The following GATB variants were observed in gnomAD, a reference collection of about 807,000 sequenced individuals.
The protein encoded by GATB is glutamyl-tRNA amidotransferase subunit B.
Under a neutral mutation model 62.3 loss-of-function variants are expected in GATB, and 39 were observed. The ratio of observed to expected loss-of-function variants is 0.63; its 90% CI spans 0.48 to 0.82. GATB has a LOEUF of 0.82. GATB is among the 40% of genes least tolerant of loss of function. GATB has a pLI of 0.00. For synonymous variants in GATB, 276 were observed against 258.9 expected, an observed-to-expected ratio of 1.07 and a Z score of -0.63; for missense variants, 670 against 684.0, an observed-to-expected ratio of 0.98 and a Z score of 0.23.
At chr4:151,718,402 C>G (rs1265866083) in intron 3 of GATB, among the ~76,000 whole-genome samples, 1 of 152,122 alleles carries the variant, frequency 6.6e-6, no homozygotes, top group Non-Finnish European at 1.5e-5. Context: ...CTATCTGGGC[C>G]AGAAAGACCA....
intron 2 of GATB, chr4:151,724,237 T>C (rs2126981973): frequency 6.6e-6 from 1 of 152,258 alleles, no homozygotes; most frequent in South Asian, 2.1e-4. Context: ...CACATTCTAC[T>C]TTCTTAACAT....
intron 11 of GATB, among the ~76,000 whole-genome samples, chr4:151,678,887 TTTTTG>T (rs962778187): frequency 4.0e-5 from 6 of 151,492 alleles, no homozygotes; most frequent in African/African-American, 7.3e-5. Context: ...TTATGTGTTT[TTTTTG>T]TTTTTGTTTT....
intron 9 of GATB, among the ~76,000 whole-genome samples, chr4:151,698,177 G>A (rs1299500106): frequency 2.0e-5 from 3 of 151,658 alleles, no homozygotes; most frequent in Non-Finnish European, 4.4e-5. Context: ...CCTGTGTGCT[G>A]TGATAACATC....
At chr4:151,713,351 C>G (rs1303928752) in intron 5 of GATB, among the ~76,000 whole-genome samples, 1 of 152,214 alleles carries the variant, frequency 6.6e-6, no homozygotes, top group Non-Finnish European at 1.5e-5. Context: ...GAAAAATTGT[C>G]TTCCACGAAA....
At chr4:151,717,200 A>C in intron 3 of GATB, 126 bp from the exon 4 acceptor site, 1 of 888,092 alleles carries the variant, frequency 1.1e-6, no homozygotes, top group Non-Finnish European at 1.7e-6. Context: ...CAAGAAAAAA[A>C]GGAAAAGGAG....
intron 2 of GATB, among the ~76,000 whole-genome samples, chr4:151,737,307 A>G (rs1739395465): frequency 2.0e-5 from 3 of 152,210 alleles, no homozygotes; most frequent in Admixed American, 2.0e-4. Flanking sequence ...TAGCAAAGAG[A>G]CTGGTGGCAC....
At chr4:151,672,628 G>C in intron 12 of GATB, 134 bp downstream of exon 12, 2 of 853,804 alleles carry the variant, frequency 2.3e-6, no homozygotes, top group South Asian at 3.7e-5. Context: ...AAAGATGACA[G>C]TGAGGGAATT....
chr4:151,711,505 C>CCTTA (rs1190230412), intron 5 of GATB, among the ~76,000 whole-genome samples: 3 of 152,178 alleles, frequency 2.0e-5, no homozygotes, highest in Non-Finnish European at 2.9e-5. Context: ...AGGGCCTTGG[C>CCTTA]CTTAGCTGTT....
chr4:151,702,914 G>A (rs1278609501), intron 8 of GATB, among the ~76,000 whole-genome samples: 1 of 152,114 alleles, frequency 6.6e-6, no homozygotes, highest in Non-Finnish European at 1.5e-5. Flanking sequence ...GGCTTCTGAG[G>A]GCAAGAGGAA....
chr4:151,737,262 T>C (rs1332218673), intron 2 of GATB, among the ~76,000 whole-genome samples: 3 of 152,188 alleles, frequency 2.0e-5, no homozygotes, highest in Non-Finnish European at 2.9e-5. Flanking sequence ...AGGAACTTGT[T>C]GCAAACCGAA....
intron 2 of GATB, among the ~76,000 whole-genome samples, chr4:151,742,464 C>T (rs1311477064): frequency 6.6e-6 from 1 of 152,228 alleles, no homozygotes; most frequent in Non-Finnish European, 1.5e-5. Context: ...CATTCTGAGT[C>T]ACCCATATTC....
At chr4:151,749,907 GA>G (rs1739679762) in intron 2 of GATB, among the ~76,000 whole-genome samples, 1 of 151,770 alleles carries the variant, frequency 6.6e-6, no homozygotes, top group Non-Finnish European at 1.5e-5. Flanking sequence ...TTTTGAGACA[GA>G]GTCTGGCTCT....
chr4:151,703,909 A>G lies in GATB; in HGVS notation c.963-14T>C. On this transcript the variant is annotated splice_polypyrimidine_tract_variant and intron_variant, in intron 7 of 12. Coordinates refer to ENST00000263985, the MANE Select transcript of GATB (RefSeq NM_004564.3). ...GACATGGTGCACCTGCAATAGTTAA[A>G]TAAGAAAACATTAAACATTGAAAGC... 1 of 1,592,052 alleles carries G rather than the reference A, an allele frequency of 6.3e-7. No individual in the cohort carries two copies. Among genetic ancestry groups the G allele is most frequent in the East Asian group, 2.2e-5 (1 of 44,782 alleles).
chr4:151,693,580 G>A (rs975722264), intron 9 of GATB, among the ~76,000 whole-genome samples: 1 of 152,186 alleles, frequency 6.6e-6, no homozygotes, highest in African/African-American at 2.4e-5. Flanking sequence ...ACAGGGATCT[G>A]CAGAGGCTCT....
Position 151,760,977 on chromosome 4 carries a change from C to A in GATB, c.6G>T (p.Ala2=), listed in dbSNP as rs745323787. ...GGCAGCCCCAGCGCAGCATGGGCGC[C>A]GCCATTGTAACTCCAGGGTCTTGGT... M[A]APMLRWGCRG... is the part of the protein sequence containing the mutation. The change falls in exon 1 of 13, where the codon GCG becomes GCT. Residue 2 remains alanine (A), a synonymous_variant. Coordinates refer to ENST00000263985, the MANE Select transcript of GATB (RefSeq NM_004564.3). 2.5e-6 allele frequency: 4 copies of A among 1,610,480 alleles called. No individual in the cohort carries two copies. Among genetic ancestry groups the A allele is most frequent in the Middle Eastern group, 1.9e-4 (1 of 5,310 alleles).
intron 2 of GATB, among the ~76,000 whole-genome samples, chr4:151,733,395 T>A (rs1446649167): frequency 6.6e-6 from 1 of 152,020 alleles, no homozygotes; most frequent in African/African-American, 2.4e-5. Context: ...CCTGGAAAAA[T>A]ACAACTCTCC....
chr4:151,706,286 T>G (rs1419707098), intron 6 of GATB, among the ~76,000 whole-genome samples: 2 of 152,260 alleles, frequency 1.3e-5, no homozygotes, highest in Non-Finnish European at 2.9e-5. Flanking sequence ...TCCCTCAGAC[T>G]GGTCCTCCAA....
intron 9 of GATB, among the ~76,000 whole-genome samples, chr4:151,689,771 C>G (rs1234378759): frequency 2.0e-5 from 3 of 152,110 alleles, no homozygotes; most frequent in African/African-American, 7.2e-5. Flanking sequence ...ATACCATGTT[C>G]ACCTTTAAAT....
chr4:151,682,596 A>C (rs988334805), intron 10 of GATB, among the ~76,000 whole-genome samples: 5 of 152,036 alleles, frequency 3.3e-5, no homozygotes, highest in African/African-American at 1.2e-4. Flanking sequence ...TCAAAGCTCC[A>C]AAATTTGTCC....
Sources: gnomAD v4.1 joint callset for allele counts (sites outside exome capture counted in the v4.1 genomes callset) on GRCh38, gnomAD v4.1.1 for gene constraint, MANE v1.5 for transcripts, NCBI Gene and HGNC (gene_info 2026-07-23, HGNC 2026-07-21) for gene names.